ZFYVE26: variants seen among roughly 807,000 people sequenced by gnomAD.
ZFYVE26 encodes the protein zinc finger FYVE-type containing 26.
Under a neutral mutation model 276.5 loss-of-function variants are expected in ZFYVE26, and 181 were observed. The observed-to-expected ratio is 0.65, with a 90% CI of 0.58 to 0.74. The LOEUF is 0.74. Among genes scored for constraint, ZFYVE26 ranks in the 30% least tolerant of loss-of-function variants. ZFYVE26 has a pLI of 0.00. For missense variants in ZFYVE26, 2,821 were observed against 3,097.9 expected (o/e 0.91, Z 2.12); for synonymous variants, 1,129 against 1,203.1 (o/e 0.94, Z 1.27).
Position 67,772,306 on chromosome 14 carries a change from T to C in ZFYVE26, c.5321-96A>G. 6.6e-6 allele frequency: 9 copies of C among 1,366,826 alleles called. No individual in the cohort carries two copies. In the South Asian group the frequency reaches 1.1e-4, roughly 17 times the overall value. 84.7% of individuals were successfully genotyped at this position (1,366,826 alleles called of 1,614,324 possible). A position where few individuals can be genotyped will look rare whatever the true frequency, so the allele number is the denominator to read the frequency against. Reference sequence around the variant, plus strand: ...TAGAATTTTACCATTTTACAAACCGTTATTGAAAGAATAGATCCAGTTAAT... The same window carrying C: ...TAGAATTTTACCATTTTACAAACCGCTATTGAAAGAATAGATCCAGTTAAT... On this transcript the variant is annotated intron_variant, in intron 27 of 41. Coordinates refer to ENST00000347230, the MANE Select transcript of ZFYVE26 (RefSeq NM_015346.4).
At chr14:67,783,602 C>T (rs1259568222) in intron 20 of ZFYVE26, 77 bp from the exon 21 acceptor site, 1 of 1,563,300 alleles carries the variant, frequency 6.4e-7, no homozygotes, top group Non-Finnish European at 8.7e-7. Flanking sequence ...TTTCTTTATG[C>T]TTACATGAGC....
Position 67,798,372 on chromosome 14 carries a change from T to C in ZFYVE26, c.1890A>G (p.Ser630=). The C allele has an allele frequency of 6.2e-7, 1 of 1,610,260 alleles. No individual in the cohort carries two copies. The highest frequency in any genetic ancestry group is 8.5e-7 in the Non-Finnish European group (1 of 1,177,618). Residue 630 remains serine, a synonymous_variant, in exon 11 of 42, where the codon TCA becomes TCG. Transcript: ENST00000347230. ...TTGGGACTCCCAGGGAACCCCGTTC[T>C]GACTTCCTTTCAGGATGTGCTATGT... The part of the protein sequence containing the change: ...PQHIAHPERK[S]ERGSLGVPKT...
At chr14:67,745,980 G>C (rs1254234635), downstream of ZFYVE26, among the ~76,000 whole-genome samples, 1 of 97,418 alleles carries the variant, frequency 1.0e-5, no homozygotes, top group African/African-American at 4.5e-5. Flanking sequence ...CACTAAAGAA[G>C]AAACCTTTCA....
In ZFYVE26 at chr14:67,739,414, A is replaced by C. The variant is rs142919867; in HGVS notation, n.2680-9595T>G. Among the ~76,000 whole-genome samples the C allele has an allele frequency of 3.3e-3, 504 of 152,320 alleles. 3 individuals are homozygous for C. The highest frequency in any genetic ancestry group is 0.012 in the African/African-American group (488 of 41,570). On this transcript the variant is annotated intron_variant and non_coding_transcript_variant, in intron 13 of 14. Transcript: ENST00000394455. ...TTGGGACTTCTTGTTACACAACATA[A>C]TAAATTGACCTTATTAAGTCTGTGT...
chr14:67,777,852 A>T, intron 24 of ZFYVE26, 117 bp from the exon 25 acceptor site: 2 of 1,331,064 alleles, frequency 1.5e-6, no homozygotes. Flanking sequence ...CCCTTTCTCT[A>T]TACTCCTTTT....
At chr14:67,775,475 A>G (rs763299372) in intron 26 of ZFYVE26, among the ~76,000 whole-genome samples, 1 of 152,206 alleles carries the variant, frequency 6.6e-6, no homozygotes, top group Non-Finnish European at 1.5e-5. Context: ...AGTTTCTTCA[A>G]TGTAGAAGAG....
intron 40 of ZFYVE26, among the ~76,000 whole-genome samples, chr14:67,751,931 A>G (rs2038656775): frequency 6.6e-6 from 1 of 152,202 alleles, no homozygotes; most frequent in Non-Finnish European, 1.5e-5. Flanking sequence ...GAGAAGGAAC[A>G]GTTCCCAAGA....
chr14:67,773,315 C>A (rs1383973815), intron 27 of ZFYVE26, among the ~76,000 whole-genome samples: 3 of 152,034 alleles, frequency 2.0e-5, no homozygotes, highest in Non-Finnish European at 4.4e-5. Context: ...CTTTGGGAGG[C>A]CAAGGTGGGA....
chr14:67,790,684 G>C lies in ZFYVE26; in HGVS notation c.2643C>G (p.Ala881=), dbSNP rs2039789131. 1.2e-6 allele frequency: 2 copies of C among 1,614,056 alleles called. No individual in the cohort carries two copies. The highest frequency in any genetic ancestry group is 1.7e-6 in the Non-Finnish European group (2 of 1,180,038). ...GGTTTTCAATCTTGTGCTCTACTTG[G>C]GCCAGTTCTTGGATCACTTCCTGGT... ...ERYQEVIQEL[A]QVEHKIENQN... Residue 881 remains alanine, a synonymous_variant, in exon 15 of 42, where the codon GCC becomes GCG. Coordinates refer to ENST00000347230, the MANE Select transcript of ZFYVE26 (RefSeq NM_015346.4).
At chr14:67,745,749 C>T (rs1253464691), downstream of ZFYVE26, among the ~76,000 whole-genome samples, 1 of 151,720 alleles carries the variant, frequency 6.6e-6, no homozygotes, top group Non-Finnish European at 1.5e-5. Context: ...GGCTGGGGCA[C>T]AGGGCCAGGG....
chr14:67,731,308 G>A (rs1161981905), intron 13 of ZFYVE26, among the ~76,000 whole-genome samples: 1 of 148,668 alleles, frequency 6.7e-6, no homozygotes, highest in African/African-American at 2.5e-5. Context: ...TCCACCTCCT[G>A]GGTTCAAGGG....
intron 19 of ZFYVE26, 88 bp downstream of exon 19, chr14:67,784,971 G>T: frequency 1.5e-6 from 2 of 1,365,962 alleles, no homozygotes; most frequent in Non-Finnish European, 1.0e-6. Flanking sequence ...GCTGTATCCA[G>T]AGCCTTTCAA....
chr14:67,814,122 T>C, intron 2 of ZFYVE26, 58 bp from the exon 3 acceptor site: 3 of 1,405,582 alleles, frequency 2.1e-6, no homozygotes, highest in Non-Finnish European at 3.0e-6. Context: ...CTTTCATCTT[T>C]TGTCATCCAA....
Position 67,814,210 on chromosome 14 carries a change from T to C in ZFYVE26, c.195-146A>G, listed in dbSNP as rs553327437. 4.1e-6 allele frequency: 3 copies of C among 723,946 alleles called. No homozygotes were observed. In the Admixed American group the frequency reaches 6.4e-5, roughly 15 times the overall value. 44.8% of individuals were successfully genotyped at this position (723,946 alleles called of 1,614,324 possible). A position where few individuals can be genotyped will look rare whatever the true frequency, so the allele number is the denominator to read the frequency against. On this transcript the variant is annotated intron_variant, in intron 2 of 41. Transcript: ENST00000347230. The stretch of plus-strand genomic sequence containing the variant: ...CTAATGAGATATTTTTAAATGTATA[T>C]GACAGTTCAGTAAAACATTGGAACC...
At chr14:67,776,475 T>C (rs2039347230) in intron 25 of ZFYVE26, among the ~76,000 whole-genome samples, 1 of 152,254 alleles carries the variant, frequency 6.6e-6, no homozygotes, top group Non-Finnish European at 1.5e-5. Context: ...ACACTTGCTT[T>C]ACAAATGCAG....
intron 30 of ZFYVE26, 64 bp from the exon 31 acceptor site, chr14:67,767,904 G>A: frequency 1.9e-6 from 3 of 1,611,600 alleles, no homozygotes; most frequent in Non-Finnish European, 2.5e-6. Flanking sequence ...ACCCAGTCCA[G>A]TGAGCTGGCA....
intron 24 of ZFYVE26, 152 bp downstream of exon 24, chr14:67,777,974 C>A: frequency 7.8e-7 from 1 of 1,286,872 alleles, no homozygotes; most frequent in Admixed American, 1.8e-5. Flanking sequence ...AGGCTAGGCC[C>A]CTTCTGCTCA....
intron 29 of ZFYVE26, among the ~76,000 whole-genome samples, chr14:67,768,918 G>A (rs2065078843): frequency 6.6e-6 from 1 of 152,150 alleles, no homozygotes; most frequent in African/African-American, 2.4e-5. Flanking sequence ...ATCTATTTAA[G>A]TTTGTAAATA....
intron 25 of ZFYVE26, 61 bp downstream of exon 25, chr14:67,777,495 ACCT>A: frequency 6.2e-7 from 1 of 1,610,806 alleles, no homozygotes. Context: ...CCTTCCCAAC[ACCT>A]CCTTTTCCTC....
Sources: gnomAD v4.1 joint callset for allele counts (sites outside exome capture counted in the v4.1 genomes callset) on GRCh38, gnomAD v4.1.1 for gene constraint, MANE v1.5 for transcripts, NCBI Gene and HGNC (gene_info 2026-07-23, HGNC 2026-07-21) for gene names.